Variants in LDLRAD4 observed in about 807,000 individuals in gnomAD.
The protein encoded by LDLRAD4 is low-density lipoprotein receptor class A domain-containing protein 4.
LDLRAD4 carries 5 observed loss-of-function variants against 17.0 expected under a neutral mutation model. The ratio of observed to expected loss-of-function variants is 0.29; its 90% confidence interval spans 0.15 to 0.62. The LOEUF (loss-of-function observed/expected upper bound fraction) is 0.62. Among genes scored for constraint, LDLRAD4 ranks in the 20% least tolerant of loss-of-function variants. LDLRAD4 has a pLI of 0.84. For synonymous variants in LDLRAD4, 168 were observed against 171.8 expected, an observed-to-expected ratio of 0.98 and a Z score of 0.17; for missense variants, 340 against 424.7, an observed-to-expected ratio of 0.80 and a Z score of 1.75.
In LDLRAD4 at chr18:13,234,416, G is replaced by A. The variant is rs531011406; in HGVS notation, c.-467+15428G>A. Among the ~76,000 whole-genome samples the A allele has an allele frequency of 5.2e-4, 74 of 143,560 alleles. No individual in the cohort carries two copies. In the Middle Eastern group the frequency reaches 0.021, roughly 41 times the overall value. 94.2% of individuals were successfully genotyped at this position (143,560 alleles called of 152,430 possible). On this transcript the variant is annotated intron_variant, in intron 1 of 5. Transcript: ENST00000399848. ...GTGAGCTCCAGGAGGGCAGACAATC[G>A]TCTTCTTGTCCCTGTCCTGGCCCAG...
intron 3 of LDLRAD4, among the ~76,000 whole-genome samples, chr18:13,592,953 G>A (rs1217239131): frequency 2.0e-5 from 3 of 152,208 alleles, no homozygotes; most frequent in African/African-American, 7.2e-5. Flanking sequence ...GTTCTAGAAA[G>A]TGTATTCTTA....
intron 3 of LDLRAD4, chr18:13,562,844 C>G (rs2094556160): frequency 6.6e-6 from 1 of 152,256 alleles, no homozygotes. Flanking sequence ...GCTGTGCCCT[C>G]CTGTGTGATC....
At chr18:13,451,930 A>G (rs1055720157) in intron 3 of LDLRAD4, among the ~76,000 whole-genome samples, 1 of 152,234 alleles carries the variant, frequency 6.6e-6, no homozygotes, top group African/African-American at 2.4e-5. Flanking sequence ...AAAAACTTTC[A>G]GAGCCTAGCA....
chr18:13,298,499 G>T (rs2046399038), intron 1 of LDLRAD4, among the ~76,000 whole-genome samples: 1 of 147,056 alleles, frequency 6.8e-6, no homozygotes, highest in Non-Finnish European at 1.5e-5. Context: ...GCACGGTGAT[G>T]GAGCTGCTCT....
At chr18:13,368,192 G>A (rs906740198) in intron 1 of LDLRAD4, among the ~76,000 whole-genome samples, 1 of 152,148 alleles carries the variant, frequency 6.6e-6, no homozygotes, top group African/African-American at 2.4e-5. Flanking sequence ...AGGTTTGGTG[G>A]CATTGGCGCA....
chr18:13,601,667 GA>G (rs541946381), intron 3 of LDLRAD4, among the ~76,000 whole-genome samples: 4,547 of 133,450 alleles, frequency 0.034, 160 homozygotes, highest in African/African-American at 0.088. Context: ...AAAAAAAAAA[GA>G]AAAAAAAAGG....
chr18:13,443,828 C>T (rs867739493), intron 3 of LDLRAD4, among the ~76,000 whole-genome samples: 16 of 152,236 alleles, frequency 1.1e-4, no homozygotes, highest in East Asian at 5.8e-4. Flanking sequence ...AGTCACTGAA[C>T]GTGCTTCTCT....
chr18:13,503,513 G>A (rs530536317), intron 3 of LDLRAD4, among the ~76,000 whole-genome samples: 10 of 152,284 alleles, frequency 6.6e-5, no homozygotes, highest in African/African-American at 2.2e-4. Flanking sequence ...TTATCAAGTA[G>A]GGGAAACAGA....
At position 13,495,160 on chromosome 18, in the gene LDLRAD4, A is replaced by G. The variant is rs542144001; in HGVS notation, c.181+56776A>G. Among the ~76,000 whole-genome samples the G allele has an allele frequency of 2.6e-5, 4 of 152,342 alleles. 1 individual carries two copies. In the South Asian group the frequency reaches 8.3e-4, roughly 32 times the overall value. On this transcript the variant is annotated intron_variant, in intron 3 of 5. Transcript: ENST00000359446. Reference sequence around the variant, plus strand: ...TGCAGCAGGATTCAGAGGAAAGACTATTAAAATTCCAGTGTACACCAGTAA... The same window carrying G: ...TGCAGCAGGATTCAGAGGAAAGACTGTTAAAATTCCAGTGTACACCAGTAA...
intron 3 of LDLRAD4, among the ~76,000 whole-genome samples, chr18:13,510,907 C>CACAAA (rs1276292737): frequency 3.3e-5 from 5 of 151,944 alleles, no homozygotes; most frequent in Non-Finnish European, 5.9e-5. Flanking sequence ...GAAACTTCAA[C>CACAAA]ACAAAACAAA....
chr18:13,642,219 C>G (rs1054693676), intron 4 of LDLRAD4: 2 of 985,916 alleles, frequency 2.0e-6, no homozygotes, highest in African/African-American at 1.7e-5. Flanking sequence ...TCTTCCGCGC[C>G]GTCCCTCGCT....
At chr18:13,353,298 TAAC>T (rs1199467257) in intron 1 of LDLRAD4, among the ~76,000 whole-genome samples, 1 of 152,208 alleles carries the variant, frequency 6.6e-6, no homozygotes, top group Non-Finnish European at 1.5e-5. Context: ...TGAGCTTTAT[TAAC>T]AAGCTGAGCT....
At chr18:13,248,512 G>A (rs763101437) in intron 1 of LDLRAD4, among the ~76,000 whole-genome samples, 5 of 152,200 alleles carry the variant, frequency 3.3e-5, no homozygotes, top group Non-Finnish European at 7.3e-5. Flanking sequence ...TGAACCACTG[G>A]CCTGCTAGTA....
chr18:13,388,149 T>A (rs1185503168), intron 2 of LDLRAD4, among the ~76,000 whole-genome samples: 6 of 152,210 alleles, frequency 3.9e-5, no homozygotes, highest in Non-Finnish European at 7.3e-5. Context: ...TAATTGCCGA[T>A]GTGTGCTTGG....
At chr18:13,318,135 G>C (rs1355053067) in intron 1 of LDLRAD4, among the ~76,000 whole-genome samples, 1 of 152,204 alleles carries the variant, frequency 6.6e-6, no homozygotes, top group Non-Finnish European at 1.5e-5. Context: ...GGAGGGTTCA[G>C]CGCAGGGGTC....
chr18:13,435,471 G>A (rs2090593213), intron 2 of LDLRAD4, among the ~76,000 whole-genome samples: 2 of 152,022 alleles, frequency 1.3e-5, no homozygotes, highest in Non-Finnish European at 2.9e-5. Context: ...TTTAGAGACT[G>A]GATCTTGCTC....
At chr18:13,311,912 AG>A (rs1216213571) in intron 1 of LDLRAD4, among the ~76,000 whole-genome samples, 1 of 151,528 alleles carries the variant, frequency 6.6e-6, no homozygotes, top group Non-Finnish European at 1.5e-5. Context: ...GCTCACTGCA[AG>A]CCTCCCCTCC....
chr18:13,224,686 T>C (rs1455154312), intron 1 of LDLRAD4, among the ~76,000 whole-genome samples: 1 of 151,850 alleles, frequency 6.6e-6, no homozygotes, highest in African/African-American at 2.4e-5. Context: ...TTCAGCGTGT[T>C]AGCCAGGATG....
intron 2 of LDLRAD4, among the ~76,000 whole-genome samples, chr18:13,392,675 C>T (rs536987720): frequency 2.0e-5 from 3 of 152,272 alleles, no homozygotes; most frequent in South Asian, 2.1e-4. Flanking sequence ...TGCCTCTTCC[C>T]GGCCCATGGT....
Sources: allele counts gnomAD v4.1 joint callset (sites outside exome capture counted in the v4.1 genomes callset), GRCh38; gene constraint gnomAD v4.1.1; transcripts MANE v1.5; gene names NCBI Gene and HGNC (gene_info 2026-07-23, HGNC 2026-07-21).